The following ATP8A2 variants were observed in gnomAD, a reference collection of about 807,000 sequenced individuals.
The protein encoded by ATP8A2 is phospholipid-transporting ATPase IB.
ATP8A2 carries 100 observed loss-of-function variants against 165.6 expected under a neutral mutation model. The observed-to-expected ratio is 0.60, with a 90% CI of 0.51 to 0.71. ATP8A2 has a LOEUF of 0.71. Among genes scored for constraint, ATP8A2 ranks in the 30% least tolerant of loss-of-function variants. The pLI, the probability that ATP8A2 is intolerant of heterozygous loss-of-function variation, is 0.00. For missense variants in ATP8A2, 1,227 were observed against 1,479.5 expected, an observed-to-expected ratio of 0.83 and a Z score of 2.80; for synonymous variants, 543 against 548.8, an observed-to-expected ratio of 0.99 and a Z score of 0.15.
intron 33 of ATP8A2, among the ~76,000 whole-genome samples, chr13:25,947,434 G>A (rs542569246): frequency 6.7e-6 from 1 of 150,232 alleles, no homozygotes; most frequent in South Asian, 2.1e-4. Flanking sequence ...CACTGGTGAG[G>A]CCCGCTGTGG....
intron 2 of ATP8A2, among the ~76,000 whole-genome samples, chr13:25,487,780 T>C (rs1338159586): frequency 6.6e-6 from 1 of 152,236 alleles, no homozygotes; most frequent in Non-Finnish European, 1.5e-5. Flanking sequence ...GAGGTTATCA[T>C]GGAGAACTTT....
At chr13:25,653,716 G>A (rs67973771) in intron 24 of ATP8A2, among the ~76,000 whole-genome samples, 13,642 of 152,294 alleles carry the variant, frequency 0.09, 662 homozygotes, top group Non-Finnish European at 0.12. Context: ...ATGAATGCAT[G>A]AATGCTTGCT....
intron 28 of ATP8A2, among the ~76,000 whole-genome samples, chr13:25,831,457 C>T (rs1349331640): frequency 6.6e-6 from 1 of 152,160 alleles, no homozygotes; most frequent in East Asian, 1.9e-4. Context: ...TCGTGTTCCA[C>T]CCGCCTTGGC....
intron 1 of ATP8A2, among the ~76,000 whole-genome samples, chr13:25,375,595 T>A (rs537974339): frequency 1.3e-5 from 2 of 152,078 alleles, no homozygotes; most frequent in Admixed American, 6.6e-5. Context: ...CTTTTTTTTT[T>A]TTTATTTTGA....
At chr13:25,589,902 G>A (rs1213724856) in intron 24 of ATP8A2, among the ~76,000 whole-genome samples, 1 of 152,112 alleles carries the variant, frequency 6.6e-6, no homozygotes. Context: ...TTAGAATATT[G>A]CCTCATGATA....
At chr13:25,929,133 G>A (rs999782426) in intron 33 of ATP8A2, among the ~76,000 whole-genome samples, 2 of 152,160 alleles carry the variant, frequency 1.3e-5, no homozygotes, top group Admixed American at 1.3e-4. Context: ...ACTTCCCACT[G>A]AGGATGCTGA....
chr13:25,805,095 CTT>C (rs1462372471), intron 27 of ATP8A2, among the ~76,000 whole-genome samples: 4 of 152,148 alleles, frequency 2.6e-5, no homozygotes, highest in Admixed American at 6.5e-5. Context: ...GTTAAAATAA[CTT>C]TTCTTGTTTG....
At chr13:25,402,563 ATTCT>A (rs368359253) in intron 1 of ATP8A2, among the ~76,000 whole-genome samples, 1 of 152,310 alleles carries the variant, frequency 6.6e-6, no homozygotes, top group African/African-American at 2.4e-5. Context: ...GTTCAATCTA[ATTCT>A]TTCTTTGCCT....
At chr13:25,837,624 G>A (rs1468720324) in intron 29 of ATP8A2, among the ~76,000 whole-genome samples, 12 of 152,120 alleles carry the variant, frequency 7.9e-5, no homozygotes, top group East Asian at 1.9e-4. Flanking sequence ...CCCAGGTTCA[G>A]GATCCGCTGT....
intron 16 of ATP8A2, 79 bp from the exon 17 acceptor site, chr13:25,570,688 A>C: frequency 9.2e-7 from 1 of 1,085,614 alleles, no homozygotes; most frequent in Non-Finnish European, 1.4e-6. Flanking sequence ...ACTGGATGTT[A>C]GTTGGGGATC....
At chr13:25,390,007 T>TGTTTTGTTTC (rs1197723328) in intron 1 of ATP8A2, among the ~76,000 whole-genome samples, 10 of 152,196 alleles carry the variant, frequency 6.6e-5, no homozygotes, top group Non-Finnish European at 1.3e-4. Flanking sequence ...TGTTTTGTTT[T>TGTTTTGTTTC]GTTTTGAAAC....
At chr13:25,898,473 A>G (rs1029381359) in intron 33 of ATP8A2, among the ~76,000 whole-genome samples, 22 of 152,350 alleles carry the variant, frequency 1.4e-4, no homozygotes, top group African/African-American at 5.3e-4. Context: ...CTCGGGGGTC[A>G]GGGACCCACT....
At chr13:25,800,826 T>C (rs1236147082) in intron 27 of ATP8A2, among the ~76,000 whole-genome samples, 2 of 152,080 alleles carry the variant, frequency 1.3e-5, no homozygotes, top group African/African-American at 4.8e-5. Flanking sequence ...TGTAAGGTGT[T>C]ACAGGAGAGA....
chr13:25,729,326 G>T (rs1016505387), intron 25 of ATP8A2, among the ~76,000 whole-genome samples: 2 of 152,164 alleles, frequency 1.3e-5, no homozygotes, highest in African/African-American at 2.4e-5. Flanking sequence ...CCTCTGTCTC[G>T]CAGAGAACTA....
intron 1 of ATP8A2, among the ~76,000 whole-genome samples, chr13:25,434,554 G>A (rs1332121146): frequency 6.6e-6 from 1 of 151,940 alleles, no homozygotes; most frequent in Non-Finnish European, 1.5e-5. Context: ...TTGCCATGTT[G>A]GCCAGTCTGG....
At chr13:25,649,238 G>A (rs752755485) in intron 24 of ATP8A2, among the ~76,000 whole-genome samples, 1 of 152,194 alleles carries the variant, frequency 6.6e-6, no homozygotes, top group African/African-American at 2.4e-5. Context: ...TTATTTTGGA[G>A]TTCTCTAAAT....
intron 24 of ATP8A2, among the ~76,000 whole-genome samples, chr13:25,665,594 C>T (rs1348750506): frequency 8.0e-6 from 1 of 125,140 alleles, no homozygotes; most frequent in African/African-American, 4.2e-5. Flanking sequence ...CTTGTTGTGC[C>T]TGTGCCATGT....
rs144770639 is a variant in ATP8A2 at position 25,591,620 on chromosome 13, C to A, written c.2211+1921C>A. 2.9e-3 allele frequency among the ~76,000 whole-genome samples: 405 copies of A among 140,508 alleles called. 4 individuals are homozygous for A. Among genetic ancestry groups the A allele is most frequent in the African/African-American group, 9.9e-3 (369 of 37,274 alleles). The allele number at this position is 140,508 out of a possible 152,430, so 92.2% of individuals were successfully genotyped here. A position where few individuals can be genotyped will look rare whatever the true frequency, so the allele number is the denominator to read the frequency against. On this transcript the variant is annotated intron_variant, in intron 24 of 36. Transcript: ENST00000381655. ...TTTTTTTTTGAGACGAAGTCTCACT[C>A]TCTTGCCAGGTTGGAGTGCTGTGCC...
rs1245558543 is a variant in ATP8A2 at position 25,629,709 on chromosome 13, C to T, written c.2211+40010C>T. ...TTCTTTCTCTTTGCTCTGTGGTCAC[C>T]CGCCCCCTTCCACCCTCTGCCTTTT... On this transcript the variant is annotated intron_variant, in intron 24 of 36. Transcript: ENST00000381655. Among the ~76,000 whole-genome samples the T allele has an allele frequency of 3.3e-5, 5 of 152,106 alleles. No individual in the cohort carries two copies. In the South Asian group the frequency reaches 6.2e-4, roughly 19 times the overall value.
Sources: allele counts gnomAD v4.1 joint callset (sites outside exome capture counted in the v4.1 genomes callset), GRCh38; gene constraint gnomAD v4.1.1; transcripts MANE v1.5; gene names NCBI Gene and HGNC (gene_info 2026-07-23, HGNC 2026-07-21).